The following CEP152 variants were observed in gnomAD, a reference collection of about 807,000 sequenced individuals.
CEP152 encodes centrosomal protein 152.
In CEP152, 132 loss-of-function variants were observed where a neutral mutation model predicts 188.9. The observed-to-expected ratio is 0.70, with a 90% CI of 0.61 to 0.81. CEP152 has a LOEUF of 0.81. Among genes scored for constraint, CEP152 ranks in the 30% least tolerant of loss-of-function variants. The probability of loss-of-function intolerance (pLI) is 0.00; values close to 1 mark genes in which losing one functional copy is unlikely to be tolerated. For missense variants in CEP152, 1,914 were observed against 1,969.8 expected, an observed-to-expected ratio of 0.97 and a Z score of 0.54; for synonymous variants, 649 against 666.6, an observed-to-expected ratio of 0.97 and a Z score of 0.41.
At position 48,805,620 on chromosome 15, in the gene CEP152, T is replaced by C; in HGVS notation, c.30A>G (p.Leu10=). MSLDFGSVA[L]PVQNEDEEYD... ...ACTCTTCATCTTCATTTTGCACTGG[T>C]AGTGCCACACTGCCAAAGTCTAATG... is the stretch of plus-strand genomic sequence containing the variant. The change falls in exon 2 of 27, where the codon CTA becomes CTG. Residue 10 remains leucine (L), a synonymous_variant. Coordinates refer to ENST00000380950, the MANE Select transcript of CEP152 (RefSeq NM_001194998.2). The C allele has an allele frequency of 1.2e-6, 2 of 1,611,764 alleles. No individual in the cohort carries two copies. The highest frequency in any genetic ancestry group is 8.5e-7 in the Non-Finnish European group (1 of 1,179,142).
chr15:48,772,390 G>A, intron 13 of CEP152, 97 bp downstream of exon 13: 1 of 1,013,056 alleles, frequency 9.9e-7, no homozygotes, highest in South Asian at 1.3e-5. Context: ...CAGCCTGGAA[G>A]ACAGAGTGAC....
chr15:48,767,163 A>C lies in CEP152; in HGVS notation c.2177T>G (p.Val726Gly). 6.2e-7 allele frequency: 1 copy of C among 1,613,748 alleles called. No individual in the cohort carries two copies. The highest frequency in any genetic ancestry group is 8.5e-7 in the Non-Finnish European group (1 of 1,180,014). The change falls in exon 17 of 27, where the codon GTG becomes GGG. Residue 726 changes from valine (V) to glycine (G), a missense_variant. By Grantham distance (109) the Val-to-Gly change is moderately radical (BLOSUM62 -3). Coordinates refer to ENST00000380950, the MANE Select transcript of CEP152 (RefSeq NM_001194998.2). ...RSELDKLNKE[V>G]TAVQECYLEV... Reference sequence around the variant, plus strand: ...TAGGTAACATTCCTGCACAGCAGTCACCTCCTTATTCAACTTATCCAACTC... The same window carrying C: ...TAGGTAACATTCCTGCACAGCAGTCCCCTCCTTATTCAACTTATCCAACTC...
At chr15:48,792,329 C>T (rs994267700) in intron 7 of CEP152, among the ~76,000 whole-genome samples, 7 of 152,178 alleles carry the variant, frequency 4.6e-5, no homozygotes, top group African/African-American at 1.4e-4. Context: ...ATGTTAAATT[C>T]TTCCCACATA....
rs1481066786 is a variant in CEP152, at chr15:48,738,674, C to A, written c.4708G>T (p.Asp1570Tyr). 1 of 1,614,062 alleles carries A rather than the reference C, an allele frequency of 6.2e-7. No homozygotes were observed. The highest frequency in any genetic ancestry group is 1.3e-5 in the African/African-American group (1 of 74,942). ...PPVKDGGDLS[D>Y]CLGWPSSSAT... Reference sequence around the variant, plus strand: ...CTGCTGGAAGGCCAGCCCAAGCAGTCACTAAGGTCCCCTCCATCTTTTACT... The same window carrying A: ...CTGCTGGAAGGCCAGCCCAAGCAGTAACTAAGGTCCCCTCCATCTTTTACT... Residue 1570 changes from aspartate (D) to tyrosine (Y), a missense_variant, in exon 27 of 27, where the codon GAC (aspartate) becomes TAC (tyrosine). Asp to Tyr is a radical substitution (Grantham distance 160). Transcript: ENST00000380950.
rs543420304 is a variant in CEP152 at position 48,793,219 on chromosome 15, C to T, written c.832+102G>A. ...GCCTCACTCACTATGAGCCCTCTGA[C>T]CAAGTGTTTTTACTCTCTAAGCTTC... is the stretch of plus-strand genomic sequence containing the variant. On this transcript the variant is annotated intron_variant, in intron 7 of 26. Transcript: ENST00000380950. 1.4e-5 allele frequency: 19 copies of T among 1,389,958 alleles called. No individual in the cohort carries two copies. In the South Asian group the frequency reaches 2.1e-4, roughly 15 times the overall value. 86.1% of individuals were successfully genotyped at this position (1,389,958 alleles called of 1,614,324 possible). A position where few individuals can be genotyped will look rare whatever the true frequency, so the allele number is the denominator to read the frequency against.
In CEP152 at chr15:48,781,283, G is replaced by C. The variant is rs748840635; in HGVS notation, c.1490C>G (p.Ser497Ter). 7 of 1,612,696 alleles carry C rather than the reference G, an allele frequency of 4.3e-6. No individual in the cohort carries two copies. The Admixed American group carries it at 1.0e-4, about 23-fold the overall frequency. ...AAKLGIHPSD[S>*]EGELNIELTE... The stretch of plus-strand genomic sequence containing the variant: ...GAGTTCTATATTTAATTCTCCTTCT[G>C]AGTCACTTGGATGTATTCCTAGTTT... The change falls in exon 12 of 27, where the codon TCA becomes TGA. Residue 497 changes from serine to a stop codon, truncating the protein, a stop_gained. Transcript: ENST00000380950. LOFTEE classifies it high-confidence loss of function.
At chr15:48,771,750 A>G (rs1391427902) in intron 13 of CEP152, among the ~76,000 whole-genome samples, 2 of 152,260 alleles carry the variant, frequency 1.3e-5, no homozygotes, top group African/African-American at 2.4e-5. Context: ...CATTTAATGC[A>G]TCTAACCTAT....
At chr15:48,792,603 T>C (rs1194228305) in intron 7 of CEP152, among the ~76,000 whole-genome samples, 1 of 152,210 alleles carries the variant, frequency 6.6e-6, no homozygotes, top group Non-Finnish European at 1.5e-5. Context: ...AAAACGTTTA[T>C]GCTAATTTGT....
chr15:48,743,828 A>G (rs1478275714), intron 24 of CEP152, among the ~76,000 whole-genome samples: 1 of 152,150 alleles, frequency 6.6e-6, no homozygotes, highest in East Asian at 1.9e-4. Flanking sequence ...GCACCACTGC[A>G]TTCCAGCCTG....
chr15:48,781,136 G>T, intron 12 of CEP152, 60 bp downstream of exon 12: 2 of 1,385,708 alleles, frequency 1.4e-6, no homozygotes, highest in Non-Finnish European at 2.1e-6. Context: ...CAGATACCAT[G>T]CATCATCAGC....
At chr15:48,730,000 C>T (rs1330921974) in intron 2 of CEP152, among the ~76,000 whole-genome samples, 5 of 151,724 alleles carry the variant, frequency 3.3e-5, no homozygotes, top group Non-Finnish European at 5.9e-5. Context: ...CACCGGCCCC[C>T]CCCAAAAAAA....
At chr15:48,733,161 T>G (rs1048088867), downstream of CEP152, among the ~76,000 whole-genome samples, 1 of 152,158 alleles carries the variant, frequency 6.6e-6, no homozygotes, top group Non-Finnish European at 1.5e-5. Flanking sequence ...AGGGTAACTA[T>G]AGTTAACAAT....
At chr15:48,764,425 C>T (rs1894905638) in intron 17 of CEP152, among the ~76,000 whole-genome samples, 1 of 152,180 alleles carries the variant, frequency 6.6e-6, no homozygotes. Flanking sequence ...AAACATCTCT[C>T]TACAACACTA....
chr15:48,748,795 C>T (rs1183693089), intron 21 of CEP152, among the ~76,000 whole-genome samples, 185 bp from the exon 22 acceptor site: 1 of 152,000 alleles, frequency 6.6e-6, no homozygotes, highest in African/African-American at 2.4e-5. Flanking sequence ...TGCTTACTGG[C>T]TGTGTGACTT....
Position 48,738,957 on chromosome 15 carries a change from C to G in CEP152, c.4425G>C (p.Leu1475Phe). ...CACTGAGTAGGTCTTTCTTCTTGTG[C>G]AAACCAAAGCCTCCTTCACCTTCAC... ...VPCEGEGGFG[L>F]HKKKDLLSDN... The change falls in exon 27 of 27, where the codon TTG becomes TTC. Residue 1475 changes from leucine to phenylalanine, a missense_variant. Transcript: ENST00000380950. 1 of 1,613,958 alleles carries G rather than the reference C, an allele frequency of 6.2e-7. No homozygotes were observed. Among genetic ancestry groups the G allele is most frequent in the Non-Finnish European group, 8.5e-7 (1 of 1,179,894 alleles).
At chr15:48,764,662 A>T (rs1329069168) in intron 17 of CEP152, among the ~76,000 whole-genome samples, 1 of 152,050 alleles carries the variant, frequency 6.6e-6, no homozygotes, top group Non-Finnish European at 1.5e-5. Context: ...CGTGTATATG[A>T]TTTTTTCCCC....
intron 8 of CEP152, among the ~76,000 whole-genome samples, chr15:48,789,859 T>C (rs1046503169): frequency 6.6e-6 from 1 of 152,178 alleles, no homozygotes; most frequent in African/African-American, 2.4e-5. Context: ...TTTAGCCTAG[T>C]GAGATCCATG....
chr15:48,739,875 G>A (rs1326162106), intron 26 of CEP152, among the ~76,000 whole-genome samples: 8 of 152,188 alleles, frequency 5.3e-5, no homozygotes. Flanking sequence ...TTTGCACACT[G>A]TTGCCCCAGA....
chr15:48,784,032 T>G lies in CEP152; in HGVS notation c.1262A>C (p.Asn421Thr). Residue 421 changes from asparagine to threonine, a missense_variant, in exon 10 of 27, where the codon AAT (asparagine) becomes ACT (threonine). Asn to Thr is a moderately conservative substitution (Grantham distance 65). Transcript: ENST00000380950. The part of the protein sequence containing the change: ...AIKLEKTEII[N>T]KLTRSLEESQ... ...CTCCTCTAGACTTCTTGTCAACTTA[T>G]TAATGATCTCAGTCTTTTCTAACTT... 2.5e-6 allele frequency: 4 copies of G among 1,613,854 alleles called. No individual in the cohort carries two copies. In the South Asian group the frequency reaches 4.4e-5, roughly 18 times the overall value.
Sources: gnomAD v4.1 joint callset for allele counts (sites outside exome capture counted in the v4.1 genomes callset) on GRCh38, gnomAD v4.1.1 for gene constraint, MANE v1.5 for transcripts, NCBI Gene and HGNC (gene_info 2026-07-23, HGNC 2026-07-21) for gene names.